CACNA2D3: variants seen among roughly 807,000 people sequenced by gnomAD.
The protein encoded by CACNA2D3 is voltage-dependent calcium channel subunit alpha-2/delta-3.
Under a neutral mutation model 160.6 loss-of-function variants are expected in CACNA2D3, and 60 were observed. The ratio of observed to expected loss-of-function variants is 0.37; its 90% confidence interval spans 0.30 to 0.46. The LOEUF is 0.46. Ranked by LOEUF, CACNA2D3 falls within the 20% of genes least tolerant of loss-of-function variation. The pLI is 1.00. For missense variants in CACNA2D3, 1,205 were observed against 1,365.0 expected, an observed-to-expected ratio of 0.88 and a Z score of 1.85; for synonymous variants, 558 against 492.9, an observed-to-expected ratio of 1.13 and a Z score of -1.75.
intron 2 of CACNA2D3, among the ~76,000 whole-genome samples, chr3:54,155,518 A>C (rs1387086545): frequency 6.6e-6 from 1 of 152,236 alleles, no homozygotes; most frequent in Non-Finnish European, 1.5e-5. Flanking sequence ...GGAAGGGACA[A>C]CACTGGGAAA....
At chr3:54,915,953 T>C (rs1481408537) in intron 27 of CACNA2D3, among the ~76,000 whole-genome samples, 1 of 152,242 alleles carries the variant, frequency 6.6e-6, no homozygotes, top group Admixed American at 6.5e-5. Flanking sequence ...GCAAGGATTC[T>C]AGTCACGTTC....
intron 5 of CACNA2D3, among the ~76,000 whole-genome samples, chr3:54,548,156 C>T (rs1702095614): frequency 6.6e-6 from 1 of 152,158 alleles, no homozygotes; most frequent in Non-Finnish European, 1.5e-5. Flanking sequence ...TGTATTTCCC[C>T]AGTCCCAGCA....
chr3:54,151,342 A>T (rs1576961899), intron 2 of CACNA2D3, among the ~76,000 whole-genome samples: 1 of 151,904 alleles, frequency 6.6e-6, no homozygotes, highest in South Asian at 2.1e-4. Flanking sequence ...AGATGAGTGG[A>T]TAGATAGTTG....
At chr3:54,812,890 C>G (rs772722695) in intron 13 of CACNA2D3, among the ~76,000 whole-genome samples, 2 of 152,212 alleles carry the variant, frequency 1.3e-5, no homozygotes, top group African/African-American at 4.8e-5. Context: ...TCCAGAGATT[C>G]ACTACAAAAA....
At chr3:54,385,097 G>A (rs1054836154) in intron 3 of CACNA2D3, among the ~76,000 whole-genome samples, 1 of 152,300 alleles carries the variant, frequency 6.6e-6, no homozygotes, top group South Asian at 2.1e-4. Context: ...GGAGTGAGGT[G>A]AGGAATGGGA....
chr3:54,289,193 A>G (rs1703117890), intron 2 of CACNA2D3, among the ~76,000 whole-genome samples: 2 of 152,204 alleles, frequency 1.3e-5, no homozygotes, highest in Admixed American at 1.3e-4. Context: ...TCAGCTGATA[A>G]GCAACTTCAG....
intron 4 of CACNA2D3, among the ~76,000 whole-genome samples, chr3:54,455,071 C>G (rs981824694): frequency 5.9e-5 from 9 of 152,110 alleles, no homozygotes; most frequent in Admixed American, 2.0e-4. Context: ...GCAGATATCT[C>G]TTCAACATAC....
Position 54,960,230 on chromosome 3 carries a change from G to A in CACNA2D3, c.2450-8220G>A, listed in dbSNP as rs113489610. Among the ~76,000 whole-genome samples, 7 of 152,294 alleles carry A rather than the reference G, an allele frequency of 4.6e-5. 1 individual carries two copies. The highest frequency in any genetic ancestry group is 1.4e-4 in the African/African-American group (6 of 41,566). Reference sequence around the variant, plus strand: ...TCCTCAGCAAAGAAAATCTTCTGCTGCGGCCTTGTCAATGGTGTGATAATG... The same window carrying A: ...TCCTCAGCAAAGAAAATCTTCTGCTACGGCCTTGTCAATGGTGTGATAATG... On this transcript the variant is annotated intron_variant, in intron 27 of 37. Coordinates refer to ENST00000474759, the MANE Select transcript of CACNA2D3 (RefSeq NM_018398.3).
intron 35 of CACNA2D3, among the ~76,000 whole-genome samples, chr3:55,068,345 C>T (rs1376204918): frequency 6.6e-6 from 1 of 152,196 alleles, no homozygotes; most frequent in Non-Finnish European, 1.5e-5. Context: ...GAATTGAGCG[C>T]ATTTAATTTT....
At chr3:54,356,706 A>G (rs1247624985) in intron 3 of CACNA2D3, among the ~76,000 whole-genome samples, 1 of 152,154 alleles carries the variant, frequency 6.6e-6, no homozygotes, top group Non-Finnish European at 1.5e-5. Flanking sequence ...ATACTGAACA[A>G]TTTTTGTCAG....
chr3:54,658,250 G>T (rs1699908136), intron 11 of CACNA2D3, among the ~76,000 whole-genome samples: 1 of 152,138 alleles, frequency 6.6e-6, no homozygotes, highest in South Asian at 2.1e-4. Context: ...ATGTTTTGAG[G>T]AATCTCCATA....
intron 33 of CACNA2D3, 40 bp from the exon 34 acceptor site, chr3:55,009,348 G>A: frequency 6.3e-7 from 1 of 1,577,104 alleles, no homozygotes; most frequent in Non-Finnish European, 8.7e-7. Context: ...TATGGGCATG[G>A]ATGACGAAGT....
intron 13 of CACNA2D3, among the ~76,000 whole-genome samples, chr3:54,793,810 T>A (rs149313304): frequency 6.6e-6 from 1 of 152,374 alleles, no homozygotes; most frequent in African/African-American, 2.4e-5. Context: ...GCTGTATTTC[T>A]TCTTGAATGT....
At chr3:54,807,476 A>C (rs986980362) in intron 13 of CACNA2D3, among the ~76,000 whole-genome samples, 3 of 152,232 alleles carry the variant, frequency 2.0e-5, no homozygotes, top group African/African-American at 7.2e-5. Flanking sequence ...ACTGGCCATC[A>C]GAGAAATGCA....
At chr3:54,287,726 C>T (rs1463814737) in intron 2 of CACNA2D3, among the ~76,000 whole-genome samples, 1 of 146,588 alleles carries the variant, frequency 6.8e-6, no homozygotes, top group Admixed American at 6.8e-5. Flanking sequence ...AACAAACTAT[C>T]TCTCAGACCA....
chr3:54,472,057 A>G (rs1161496712), intron 4 of CACNA2D3, among the ~76,000 whole-genome samples: 1 of 152,238 alleles, frequency 6.6e-6, no homozygotes, highest in African/African-American at 2.4e-5. Flanking sequence ...TGAGGCCAGC[A>G]TCATCCTGAT....
chr3:54,497,822 C>T (rs530459070), intron 4 of CACNA2D3, among the ~76,000 whole-genome samples: 1 of 152,012 alleles, frequency 6.6e-6, no homozygotes, highest in East Asian at 1.9e-4. Flanking sequence ...AAATTGAATT[C>T]TATCACATGC....
chr3:54,893,541 C>G (rs530591519), intron 25 of CACNA2D3, among the ~76,000 whole-genome samples: 4 of 152,278 alleles, frequency 2.6e-5, no homozygotes, highest in South Asian at 2.1e-4. Flanking sequence ...GATACACTCT[C>G]TAAGCCAGGC....
chr3:54,599,140 G>A (rs969809214), intron 9 of CACNA2D3, among the ~76,000 whole-genome samples: 2 of 152,156 alleles, frequency 1.3e-5, no homozygotes, highest in Admixed American at 1.3e-4. Flanking sequence ...CATTGTGAAT[G>A]TGATCAGGAC....
Sources: gnomAD v4.1 joint callset for allele counts (sites outside exome capture counted in the v4.1 genomes callset) on GRCh38, gnomAD v4.1.1 for gene constraint, MANE v1.5 for transcripts, NCBI Gene and HGNC (gene_info 2026-07-23, HGNC 2026-07-21) for gene names.